Variants in GRID2IP observed in about 807,000 individuals in gnomAD.
GRID2IP encodes the protein Grid2 interacting protein, also known as delphilin.
In GRID2IP, 78 loss-of-function variants were observed where a neutral mutation model predicts 114.3. That is an observed-to-expected ratio of 0.68 (90% CI 0.57 to 0.82). GRID2IP has a LOEUF of 0.82. GRID2IP is among the 40% of genes least tolerant of loss of function. The pLI is 0.00. For synonymous variants in GRID2IP, 809 were observed against 724.0 expected, an observed-to-expected ratio of 1.12 and a Z score of -1.89; for missense variants, 1,727 against 1,678.5, an observed-to-expected ratio of 1.03 and a Z score of -0.51.
rs763589286 is a variant in GRID2IP at position 6,510,445 on chromosome 7, G to A, written c.1654-45C>T. On this transcript the variant is annotated intron_variant, in intron 10 of 21. Coordinates refer to ENST00000457091, the MANE Select transcript of GRID2IP (RefSeq NM_001145118.2). ...AGTCCAGCCCATTCTGCTTCCCCTC[G>A]TAGCCCTAATGTGGTCCAGGCCTGG... is the stretch of plus-strand genomic sequence containing the variant. 13 of 1,429,306 alleles carry A rather than the reference G, an allele frequency of 9.1e-6. No individual in the cohort carries two copies. In the South Asian group the frequency reaches 1.3e-4, roughly 14 times the overall value. 88.5% of individuals were successfully genotyped at this position (1,429,306 alleles called of 1,614,324 possible).
intron 1 of GRID2IP, among the ~76,000 whole-genome samples, chr7:6,544,798 AC>A (rs973122414): frequency 4.6e-5 from 7 of 151,772 alleles, no homozygotes; most frequent in African/African-American, 1.7e-4. Context: ...AAAATGAAAG[AC>A]AGCCGGGCGC....
chr7:6,498,258 G>C lies in GRID2IP; in HGVS notation c.3400-30C>G, dbSNP rs1175903420. On this transcript the variant is annotated intron_variant, in intron 20 of 21. Transcript: ENST00000457091. ...CAGGCCTCAGTTAAGGAAACAGCCA[G>C]CCCGCTTGTGCCCCCAGGGTCTCAG... is the stretch of plus-strand genomic sequence containing the variant. The C allele has an allele frequency of 2.6e-6, 4 of 1,509,894 alleles. No homozygotes were observed. The Admixed American group carries it at 6.8e-5, about 26-fold the overall frequency. The allele number at this position is 1,509,894 out of a possible 1,614,324, so 93.5% of individuals were successfully genotyped here. A position where few individuals can be genotyped will look rare whatever the true frequency, so the allele number is the denominator to read the frequency against.
Position 6,507,269 on chromosome 7 carries a change from C to T in GRID2IP, c.2544+716G>A, listed in dbSNP as rs1786621166. On this transcript the variant is annotated intron_variant, in intron 13 of 21. Coordinates refer to ENST00000457091, the MANE Select transcript of GRID2IP (RefSeq NM_001145118.2). This position sits in a 1 kb window ranked among gnomAD's most constrained non-coding sequence, Gnocchi z 5.3. ...TCAAAGGAGCTGAGAACCCTGTTCT[C>T]TCCTCTGAGCTGGTCAAGCCCCATT... Among the ~76,000 whole-genome samples the T allele has an allele frequency of 6.6e-6, 1 of 152,128 alleles. No homozygotes were observed. Among genetic ancestry groups the T allele is most frequent in the South Asian group, 2.1e-4 (1 of 4,836 alleles).
Position 6,509,456 on chromosome 7 carries a change from C to T in GRID2IP, c.1772-143G>A, listed in dbSNP as rs1236876666. ...CTCTCTGGGCACAGTGCAGGAAGACCTTGAGCGGCCCTGCCTTCCAAGCAT... is the reference window on the plus strand; with the variant it reads ...CTCTCTGGGCACAGTGCAGGAAGACTTTGAGCGGCCCTGCCTTCCAAGCAT... On this transcript the variant is annotated intron_variant, in intron 11 of 21. Transcript: ENST00000457091. The surrounding 1 kb of genome is among the most constrained non-coding windows in gnomAD (Gnocchi z 4.9). 1 of 702,416 alleles carries T rather than the reference C, an allele frequency of 1.4e-6. No individual in the cohort carries two copies. The highest frequency in any genetic ancestry group is 2.1e-6 in the Non-Finnish European group (1 of 465,220). 43.5% of individuals were successfully genotyped at this position (702,416 alleles called of 1,614,324 possible). A position where few individuals can be genotyped will look rare whatever the true frequency, so the allele number is the denominator to read the frequency against.
intron 16 of GRID2IP, 131 bp downstream of exon 16, chr7:6,503,360 T>A (rs1786472574): frequency 9.4e-7 from 1 of 1,059,804 alleles, no homozygotes; most frequent in Non-Finnish European, 1.3e-6. Context: ...ATTAAAGGTG[T>A]TAAACTGGGA....
At chr7:6,531,107 A>G (rs1165320294) in intron 2 of GRID2IP, 5 of 542,328 alleles carry the variant, frequency 9.2e-6, no homozygotes, top group Admixed American at 7.3e-5. Context: ...CCCCATCTGG[A>G]GCCGGGGACC....
At chr7:6,549,688 T>C (rs1418931029) in intron 1 of GRID2IP, among the ~76,000 whole-genome samples, 1 of 152,100 alleles carries the variant, frequency 6.6e-6, no homozygotes, top group East Asian at 1.9e-4. Context: ...TAGCATGATC[T>C]CAGCTCACTG....
In GRID2IP at chr7:6,536,814, G is replaced by A. The variant is rs923528924; in HGVS notation, c.584+2904C>T. On this transcript the variant is annotated intron_variant, in intron 2 of 21. Coordinates refer to ENST00000457091, the MANE Select transcript of GRID2IP (RefSeq NM_001145118.2). The surrounding 1 kb of genome is among the most constrained non-coding windows in gnomAD (Gnocchi z 5.3). Reference sequence around the variant, plus strand: ...CCTCTTCTGATTCTCCTAGCAAGGGGCTCACCCCTTACTCACCCCAGGCAG... The same window carrying A: ...CCTCTTCTGATTCTCCTAGCAAGGGACTCACCCCTTACTCACCCCAGGCAG... The A allele has an allele frequency of 2.9e-6, 2 of 693,816 alleles. No homozygotes were observed. Among genetic ancestry groups the A allele is most frequent in the Non-Finnish European group, 2.6e-6 (1 of 380,046 alleles). 43.0% of individuals were successfully genotyped at this position (693,816 alleles called of 1,614,324 possible). A position where few individuals can be genotyped will look rare whatever the true frequency, so the allele number is the denominator to read the frequency against.
rs1583345643 is a variant in GRID2IP at position 6,523,463 on chromosome 7, C to T, written c.920-1506G>A. Reference sequence around the variant, plus strand: ...CCAGAGCCTCTCCAGGCCTCAGTTTCCCCATCTGTAAAAGCTTCCATCTAA... The same window carrying T: ...CCAGAGCCTCTCCAGGCCTCAGTTTTCCCATCTGTAAAAGCTTCCATCTAA... On this transcript the variant is annotated intron_variant, in intron 4 of 21. Coordinates refer to ENST00000457091, the MANE Select transcript of GRID2IP (RefSeq NM_001145118.2). This position sits in a 1 kb window ranked among gnomAD's most constrained non-coding sequence, Gnocchi z 4.5. 6.6e-6 allele frequency among the ~76,000 whole-genome samples: 1 copy of T among 152,276 alleles called. No individual in the cohort carries two copies. The highest frequency in any genetic ancestry group is 2.1e-4 in the South Asian group (1 of 4,826).
chr7:6,527,691 T>A (rs1031917028), intron 2 of GRID2IP, among the ~76,000 whole-genome samples: 1 of 152,050 alleles, frequency 6.6e-6, no homozygotes, highest in African/African-American at 2.4e-5. Context: ...CTGGAACTCC[T>A]GGTCTCAAGG....
rs1289512430 is a variant in GRID2IP, at chr7:6,519,634, G to A, written c.1268+944C>T. 6.6e-6 allele frequency among the ~76,000 whole-genome samples: 1 copy of A among 152,166 alleles called. No homozygotes were observed. Among genetic ancestry groups the A allele is most frequent in the Non-Finnish European group, 1.5e-5 (1 of 68,022 alleles). ...TAGCCAGGCGTGGTGGCATATGCCTGTAATCCCAGCTACTTGGGAGGCTGA... is the reference window on the plus strand; with the variant it reads ...TAGCCAGGCGTGGTGGCATATGCCTATAATCCCAGCTACTTGGGAGGCTGA... On this transcript the variant is annotated intron_variant, in intron 7 of 21. Transcript: ENST00000457091. This position sits in a 1 kb window ranked among gnomAD's most constrained non-coding sequence, Gnocchi z 4.1.
chr7:6,509,221 G>C lies in GRID2IP; in HGVS notation c.1864C>G (p.Pro622Ala). The stretch of plus-strand genomic sequence containing the variant: ...TAGGGGTGGGACTCAGAGCTGCTGG[G>C]GGAGGCCAGACCCCCCGAACACAGC... The part of the protein sequence containing the change: ...HPLCSGGLAS[P>A]SSSESHPYAS... Residue 622 changes from proline to alanine, a missense_variant, in exon 12 of 22, where the codon CCC becomes GCC. Physicochemically the swap from Pro to Ala is conservative, Grantham distance 27 (BLOSUM62 -1). Transcript: ENST00000457091. This position sits in a 1 kb window ranked among gnomAD's most constrained non-coding sequence, Gnocchi z 4.9. 2 of 1,502,786 alleles carry C rather than the reference G, an allele frequency of 1.3e-6. No individual in the cohort carries two copies. Among genetic ancestry groups the C allele is most frequent in the Non-Finnish European group, 1.8e-6 (2 of 1,123,782 alleles). The allele number at this position is 1,502,786 out of a possible 1,614,324, so 93.1% of individuals were successfully genotyped here.
At position 6,536,760 on chromosome 7, in the gene GRID2IP, C is replaced by T; in HGVS notation, c.584+2958G>A. On this transcript the variant is annotated intron_variant, in intron 2 of 21. Coordinates refer to ENST00000457091, the MANE Select transcript of GRID2IP (RefSeq NM_001145118.2). The surrounding 1 kb of genome is among the most constrained non-coding windows in gnomAD (Gnocchi z 5.3). ...CGCATCATCTCCGCGGCAAATTCGGCTCTAGAAATAACTTTTTTCCTTTTT... is the reference window on the plus strand; with the variant it reads ...CGCATCATCTCCGCGGCAAATTCGGTTCTAGAAATAACTTTTTTCCTTTTT... 2 of 701,368 alleles carry T rather than the reference C, an allele frequency of 2.9e-6. No individual in the cohort carries two copies. The highest frequency in any genetic ancestry group is 5.2e-6 in the Non-Finnish European group (2 of 383,954). 43.4% of individuals were successfully genotyped at this position (701,368 alleles called of 1,614,324 possible). A position where few individuals can be genotyped will look rare whatever the true frequency, so the allele number is the denominator to read the frequency against.
intron 2 of GRID2IP, 22 bp downstream of exon 2, chr7:6,539,696 T>C (rs1439679938): frequency 2.0e-6 from 3 of 1,537,382 alleles, no homozygotes; most frequent in South Asian, 1.2e-5. Flanking sequence ...TGCCTGTCTA[T>C]CCTGCCCCCT....
chr7:6,511,100 A>C, intron 8 of GRID2IP, 61 bp from the exon 9 acceptor site: 1 of 1,333,516 alleles, frequency 7.5e-7, no homozygotes, highest in East Asian at 3.1e-5. Flanking sequence ...AGGGACCTCC[A>C]AAACAGGGAG....
intron 7 of GRID2IP, among the ~76,000 whole-genome samples, chr7:6,517,079 C>A (rs1397708174): frequency 6.7e-6 from 1 of 148,872 alleles, no homozygotes; most frequent in African/African-American, 2.5e-5. Flanking sequence ...TTTTTTGAGA[C>A]AGTCTGGCTC....
intron 16 of GRID2IP, 78 bp from the exon 17 acceptor site, chr7:6,503,241 G>T (rs1443784516): frequency 3.6e-6 from 4 of 1,097,178 alleles, no homozygotes; most frequent in Non-Finnish European, 5.1e-6. Flanking sequence ...TGGGGTGGGA[G>T]GGGGGGATCT....
At chr7:6,542,684 C>G (rs1457751779) in intron 1 of GRID2IP, among the ~76,000 whole-genome samples, 1 of 151,994 alleles carries the variant, frequency 6.6e-6, no homozygotes, top group Non-Finnish European at 1.5e-5. Context: ...AAAATAAAAC[C>G]ATGAAATAGG....
chr7:6,537,683 C>G (rs1779750106), intron 2 of GRID2IP, among the ~76,000 whole-genome samples: 1 of 151,578 alleles, frequency 6.6e-6, no homozygotes, highest in Non-Finnish European at 1.5e-5. Context: ...CGGCTGAGAC[C>G]TCGTCTTTCC....
Sources: allele counts gnomAD v4.1 joint callset (sites outside exome capture counted in the v4.1 genomes callset), GRCh38; gene constraint gnomAD v4.1.1; non-coding constraint Gnocchi (gnomAD v3.1); transcripts MANE v1.5; gene names NCBI Gene and HGNC (gene_info 2026-07-23, HGNC 2026-07-21).